RPGR: variants seen among roughly 807,000 people sequenced by gnomAD.
The protein encoded by RPGR is retinitis pigmentosa GTPase regulator.
In RPGR, 10 loss-of-function variants were observed where a neutral mutation model predicts 56.3. The observed-to-expected ratio is 0.18, with a 90% CI of 0.11 to 0.30. The LOEUF (loss-of-function observed/expected upper bound fraction) is 0.30, where lower values mean the gene tolerates loss of function less well. RPGR is among the 10% of genes least tolerant of loss of function. The pLI, the probability that RPGR is intolerant of heterozygous loss-of-function variation, is 1.00. For synonymous variants in RPGR, 197 were observed against 212.9 expected (o/e 0.93, Z 0.65); for missense variants, 538 against 590.9 (o/e 0.91, Z 0.93).
chrX:38,287,885 C>T lies in RPGR; in HGVS notation c.1729G>A (p.Glu577Lys), dbSNP rs2067215787. The T allele has an allele frequency of 8.3e-6, 10 of 1,210,480 alleles. No individual in the cohort carries two copies. The highest frequency in any genetic ancestry group is 1.0e-5 in the Non-Finnish European group (9 of 894,682). ...CCTACTTCCTCATCTGAAAATGCTT[C>T]GATAGTCGTAGCTGGCTGCGTCATG... Residue 577 changes from glutamate (E) to lysine (K), a missense_variant, in exon 14 of 19, where the codon GAA becomes AAA. Glu to Lys is a moderately conservative substitution (Grantham distance 56, BLOSUM62 1). This residue lies in a region of RPGR where 357 missense variants were observed against 325.8 expected (regional missense o/e 1.10). Coordinates refer to ENST00000642395, the MANE Select transcript of RPGR (RefSeq NM_000328.3).
intron 15 of RPGR, among the ~76,000 whole-genome samples, chrX:38,279,641 A>G (rs2147176186): frequency 9.2e-6 from 1 of 108,637 alleles, no homozygotes; most frequent in South Asian, 3.8e-4. Flanking sequence ...TTGGATGCTG[A>G]TCAGTTTGTG....
At chrX:38,305,837 G>C (rs2147251249) in intron 7 of RPGR, among the ~76,000 whole-genome samples, 1 of 111,169 alleles carries the variant, frequency 9.0e-6, no homozygotes, top group South Asian at 3.7e-4. Context: ...CCCAATTTCA[G>C]AGAATTGTCT....
intron 12 of RPGR, 71 bp from the exon 13 acceptor site, chrX:38,291,095 A>G: frequency 4.3e-6 from 1 of 231,211 alleles, no homozygotes; most frequent in Non-Finnish European, 7.4e-6. Context: ...ATATAGTACA[A>G]ATATATAGTA....
At chrX:38,322,795 A>G (rs1315516777) in intron 3 of RPGR, 58 bp downstream of exon 3, 1 of 902,020 alleles carries the variant, frequency 1.1e-6, no homozygotes, top group Admixed American at 2.2e-5. Context: ...TTAAAGAACT[A>G]CACAGTCAAC....
At chrX:38,298,911 G>C (rs750089374) in intron 10 of RPGR, 45 bp downstream of exon 10, 3 of 1,151,251 alleles carry the variant, frequency 2.6e-6, no homozygotes, top group Non-Finnish European at 3.6e-6. Context: ...AGTTTTCTTT[G>C]CAGTGCTAGA....
At chrX:38,270,877 T>G (rs1469205378) in intron 18 of RPGR, among the ~76,000 whole-genome samples, 1 of 110,730 alleles carries the variant, frequency 9.0e-6, no homozygotes, top group African/African-American at 3.3e-5. Flanking sequence ...GAGCTAGAAC[T>G]GAGGACCAAG....
Position 38,270,329 on chromosome X carries a change from G to A in RPGR, c.2242-497C>T, listed in dbSNP as rs146650238. Reference sequence around the variant, plus strand: ...AACTTCTGGCAAAAAAGTTAATGCTGCTTGGCCAGGCGCGGTAGCCCATGC... The same window carrying A: ...AACTTCTGGCAAAAAAGTTAATGCTACTTGGCCAGGCGCGGTAGCCCATGC... On this transcript the variant is annotated intron_variant, in intron 18 of 18. Transcript: ENST00000642395. Among the ~76,000 whole-genome samples, 53 of 108,591 alleles carry A rather than the reference G, an allele frequency of 4.9e-4. No homozygotes were observed. The East Asian group carries it at 0.014, about 28-fold the overall frequency. 94.3% of individuals were successfully genotyped at this position (108,591 alleles called of 115,157 possible).
chrX:38,310,122 C>T (rs1418095338), intron 7 of RPGR, among the ~76,000 whole-genome samples: 1 of 110,517 alleles, frequency 9.0e-6, no homozygotes, highest in Non-Finnish European at 1.9e-5. Context: ...TGAGACCACA[C>T]CTGGCTAATA....
intron 15 of RPGR, among the ~76,000 whole-genome samples, chrX:38,278,078 G>C (rs763146285): frequency 6.6e-4 from 74 of 111,974 alleles, no homozygotes; most frequent in Non-Finnish European, 1.1e-3. Flanking sequence ...GTTAATCCAA[G>C]GTCATGAGGC....
chrX:38,288,691 G>A (rs1204400208), intron 13 of RPGR, among the ~76,000 whole-genome samples: 2 of 111,813 alleles, frequency 1.8e-5, no homozygotes, highest in African/African-American at 6.5e-5. Context: ...GGCAACAAGA[G>A]CGAAATTCCA....
chrX:38,291,554 C>G, intron 11 of RPGR, 70 bp from the exon 12 acceptor site: 1 of 600,554 alleles, frequency 1.7e-6, no homozygotes, highest in Non-Finnish European at 2.8e-6. Context: ...GGACAGAAAA[C>G]AGAAATTATT....
At chrX:38,301,891 G>A (rs1245925289) in intron 8 of RPGR, among the ~76,000 whole-genome samples, 2 of 110,981 alleles carry the variant, frequency 1.8e-5, no homozygotes, top group African/African-American at 3.3e-5. Flanking sequence ...AATGCCAGTA[G>A]GACAACTCCA....
chrX:38,303,448 A>G (rs2067540073), intron 8 of RPGR, among the ~76,000 whole-genome samples: 1 of 112,375 alleles, frequency 8.9e-6, no homozygotes, highest in Non-Finnish European at 1.9e-5. Flanking sequence ...TGAAAATTTA[A>G]CTAAATATTC....
chrX:38,309,593 C>T (rs911229544), intron 7 of RPGR, among the ~76,000 whole-genome samples: 4 of 112,362 alleles, frequency 3.6e-5, no homozygotes, highest in Admixed American at 9.4e-5. Context: ...TTTGGGAGGC[C>T]GAGGCTGGTG....
chrX:38,303,679 T>C (rs1227763992), intron 8 of RPGR: 2 of 295,084 alleles, frequency 6.8e-6, no homozygotes, highest in South Asian at 4.0e-4. Flanking sequence ...TACTTGATCA[T>C]GGGCAGGTCA....
chrX:38,272,154 TAAAATA>T (rs201127821), intron 18 of RPGR, among the ~76,000 whole-genome samples: 1,289 of 111,245 alleles, frequency 0.012, 19 homozygotes, highest in African/African-American at 0.039. Flanking sequence ...CATGTACCCA[TAAAATA>T]AAAAGTTTTA....
At chrX:38,287,798 CCT>C (rs2067213952) in intron 14 of RPGR, 61 bp downstream of exon 14, 1 of 1,013,174 alleles carries the variant, frequency 9.9e-7, no homozygotes, top group African/African-American at 1.9e-5. Context: ...TGTCTATATA[CCT>C]CTTTTTGTAA....
At chrX:38,326,713 G>A (rs1347263637) in intron 1 of RPGR, 1 of 111,023 alleles carries the variant, frequency 9.0e-6, no homozygotes, top group African/African-American at 3.3e-5. Flanking sequence ...GGGAGCTCAG[G>A]ACCTCCAAAG....
chrX:38,273,719 A>C, intron 17 of RPGR: 1 of 287,037 alleles, frequency 3.5e-6, no homozygotes, highest in South Asian at 1.1e-4. Context: ...ATAGCTACAA[A>C]GGTAATAGTC....
Sources: allele counts gnomAD v4.1 joint callset (sites outside exome capture counted in the v4.1 genomes callset), GRCh38; gene constraint gnomAD v4.1.1; regional missense constraint gnomAD v4.1.1; transcripts MANE v1.5; gene names NCBI Gene and HGNC (gene_info 2026-07-23, HGNC 2026-07-21).